NAA25: variants seen among roughly 807,000 people sequenced by gnomAD.
The protein encoded by NAA25 is N-terminal acetyltransferase B complex subunit NAA25.
NAA25 carries 30 observed loss-of-function variants against 132.5 expected under a neutral mutation model. The ratio of observed to expected loss-of-function variants is 0.23; its 90% CI spans 0.17 to 0.31. The LOEUF is 0.31. Among genes scored for constraint, NAA25 ranks in the 10% least tolerant of loss-of-function variants. NAA25 has a pLI of 1.00. For missense variants in NAA25, 771 were observed against 1,150.4 expected (o/e 0.67, Z 4.77); for synonymous variants, 359 against 401.9 (o/e 0.89, Z 1.28).
chr12:112,047,843 TA>T, intron 16 of NAA25, 53 bp from the exon 17 acceptor site: 1 of 1,524,366 alleles, frequency 6.6e-7, no homozygotes, highest in South Asian at 1.2e-5. Context: ...AGCCAGAAAA[TA>T]TTATTAATCA....
At chr12:112,065,342 C>CA (rs1321932815) in intron 11 of NAA25, among the ~76,000 whole-genome samples, 1 of 151,688 alleles carries the variant, frequency 6.6e-6, no homozygotes, top group Non-Finnish European at 1.5e-5. Flanking sequence ...ACTAAAAATA[C>CA]AAAAAAAATT....
At chr12:112,101,742 G>A (rs926079057) in intron 1 of NAA25, among the ~76,000 whole-genome samples, 7 of 151,246 alleles carry the variant, frequency 4.6e-5, no homozygotes, top group African/African-American at 1.7e-4. Context: ...AGGTGACAGA[G>A]TGAGACTGCA....
At chr12:112,065,862 T>C (rs1593788400) in intron 11 of NAA25, 1 of 152,210 alleles carries the variant, frequency 6.6e-6, no homozygotes, top group African/African-American at 2.4e-5. Flanking sequence ...TCAGATTGAC[T>C]TGGACAGTTC....
intron 7 of NAA25, among the ~76,000 whole-genome samples, chr12:112,076,735 G>A (rs530226601): frequency 7.3e-5 from 11 of 151,198 alleles, no homozygotes; most frequent in Non-Finnish European, 1.6e-4. Flanking sequence ...GGTCACACCT[G>A]TAGTAATCCC....
At chr12:112,057,982 A>G in intron 13 of NAA25, among the ~76,000 whole-genome samples, 1 of 152,196 alleles carries the variant, frequency 6.6e-6, no homozygotes, top group South Asian at 2.1e-4. Context: ...TTTGTCTCAA[A>G]AAAAACCCAC....
chr12:112,099,695 A>G (rs1159167821), intron 1 of NAA25, among the ~76,000 whole-genome samples: 1 of 152,286 alleles, frequency 6.6e-6, no homozygotes, highest in South Asian at 2.1e-4. Flanking sequence ...GCCTGGACAC[A>G]TGCAGGCCTG....
chr12:112,087,874 T>A, intron 3 of NAA25, 73 bp from the exon 4 acceptor site: 1 of 984,744 alleles, frequency 1.0e-6, no homozygotes, highest in Non-Finnish European at 1.6e-6. Context: ...TCTTCCTATT[T>A]GGCAGAAATA....
intron 4 of NAA25, among the ~76,000 whole-genome samples, chr12:112,085,290 G>A: frequency 6.6e-6 from 1 of 151,744 alleles, no homozygotes; most frequent in South Asian, 2.1e-4. Context: ...TACTCGGGAG[G>A]CAGAGGCAGG....
In NAA25 at chr12:112,101,127, T is replaced by C. The variant is rs377175326; in HGVS notation, c.58+7589A>G. 2.0e-5 allele frequency among the ~76,000 whole-genome samples: 3 copies of C among 152,270 alleles called. No individual in the cohort carries two copies. The East Asian group carries it at 5.8e-4, about 29-fold the overall frequency. On this transcript the variant is annotated intron_variant, in intron 1 of 23. Coordinates refer to ENST00000261745, the MANE Select transcript of NAA25 (RefSeq NM_024953.4). ...CTCTTTGCCTAACCCTGGTTCTCTT[T>C]TCATGTCCAAAGTAAAACATCATTT... is the stretch of plus-strand genomic sequence containing the variant.
At chr12:112,074,310 C>T (rs1398403722) in intron 9 of NAA25, among the ~76,000 whole-genome samples, 2 of 133,594 alleles carry the variant, frequency 1.5e-5, no homozygotes, top group Non-Finnish European at 1.5e-5. Context: ...CATTGCACTC[C>T]AGCCTGGGTG....
intron 11 of NAA25, among the ~76,000 whole-genome samples, chr12:112,067,218 CAA>C (rs1260042426): frequency 2.0e-5 from 3 of 151,420 alleles, no homozygotes; most frequent in African/African-American, 7.3e-5. Flanking sequence ...AAAAAAGAAA[CAA>C]AGAAACAAGA....
intron 7 of NAA25, among the ~76,000 whole-genome samples, 160 bp downstream of exon 7, chr12:112,078,028 A>T (rs1406944141): frequency 1.3e-5 from 2 of 152,150 alleles, no homozygotes; most frequent in Non-Finnish European, 2.9e-5. Flanking sequence ...AAACATTTTT[A>T]AAAATAAATT....
intron 12 of NAA25, 103 bp downstream of exon 12, chr12:112,061,078 T>C (rs965722278): frequency 2.3e-5 from 20 of 870,360 alleles, no homozygotes; most frequent in Non-Finnish European, 3.4e-5. Context: ...AATAGTCTCC[T>C]TACAAAACTC....
At chr12:112,067,892 C>T (rs2078742937) in intron 11 of NAA25, among the ~76,000 whole-genome samples, 1 of 152,002 alleles carries the variant, frequency 6.6e-6, no homozygotes, top group African/African-American at 2.4e-5. Flanking sequence ...CTCACCACCA[C>T]ACCCAGCTAA....
chr12:112,098,188 CT>C (rs2079243722), intron 1 of NAA25, among the ~76,000 whole-genome samples: 1 of 149,194 alleles, frequency 6.7e-6, no homozygotes, highest in African/African-American at 2.5e-5. Flanking sequence ...AGATGAGCAA[CT>C]GAAAAAGAAG....
At chr12:112,081,191 G>C in intron 4 of NAA25, 57 bp from the exon 5 acceptor site, 1 of 1,418,946 alleles carries the variant, frequency 7.0e-7, no homozygotes, top group Non-Finnish European at 9.9e-7. Flanking sequence ...GGGGATTAAT[G>C]ATCTAGATAC....
At chr12:112,092,049 G>A (rs543686051) in intron 2 of NAA25, among the ~76,000 whole-genome samples, 68 of 152,154 alleles carry the variant, frequency 4.5e-4, no homozygotes, top group African/African-American at 1.5e-3. Context: ...GACCATCCTG[G>A]CTAACACGGT....
chr12:112,030,238 T>C (rs1214842700), intron 23 of NAA25, among the ~76,000 whole-genome samples: 5 of 98,406 alleles, frequency 5.1e-5, no homozygotes, highest in Non-Finnish European at 1.1e-4. Flanking sequence ...AAAAAAAAAA[T>C]TAGAAGAAAA....
chr12:112,045,268 G>T (rs1174123791), intron 17 of NAA25, among the ~76,000 whole-genome samples: 1 of 152,054 alleles, frequency 6.6e-6, no homozygotes, highest in East Asian at 1.9e-4. Flanking sequence ...GAGGCAGGCA[G>T]ATCATGAGGT....
Sources: allele counts gnomAD v4.1 joint callset (sites outside exome capture counted in the v4.1 genomes callset), GRCh38; gene constraint gnomAD v4.1.1; transcripts MANE v1.5; gene names NCBI Gene and HGNC (gene_info 2026-07-23, HGNC 2026-07-21).